The following SEMA3C variants were observed in gnomAD, a reference collection of about 807,000 sequenced individuals.
SEMA3C encodes semaphorin 3C, also known as semaphorin-3C.
Under a neutral mutation model 89.4 loss-of-function variants are expected in SEMA3C, and 47 were observed. The observed-to-expected ratio is 0.53, with a 90% confidence interval of 0.42 to 0.67. SEMA3C has a LOEUF of 0.67. SEMA3C is among the 30% of genes least tolerant of loss of function. SEMA3C has a pLI of 0.00. For missense variants in SEMA3C, 839 were observed against 929.1 expected (o/e 0.90, Z 1.26); for synonymous variants, 310 against 320.2 (o/e 0.97, Z 0.34).
intron 2 of SEMA3C, among the ~76,000 whole-genome samples, chr7:80,841,034 C>T (rs1388229783): frequency 6.6e-6 from 1 of 152,028 alleles, no homozygotes; most frequent in Non-Finnish European, 1.5e-5. Context: ...GATCAAGAAG[C>T]GGAATGGAGT....
intron 13 of SEMA3C, among the ~76,000 whole-genome samples, chr7:80,762,801 G>A (rs1272696013): frequency 6.6e-6 from 1 of 152,134 alleles, no homozygotes; most frequent in African/African-American, 2.4e-5. Context: ...TAACAAGAGT[G>A]AAACCCATTT....
chr7:80,754,957 G>GTCTTTTTTTTGTTTTTTTTTTT (rs1788025324), intron 15 of SEMA3C, among the ~76,000 whole-genome samples: 1 of 108,368 alleles, frequency 9.2e-6, no homozygotes, highest in South Asian at 3.3e-4. Context: ...GTTTTTTTTT[G>GTCTTTTTTTTGTTTTTTTTTTT]TTTTTTTTTT....
chr7:80,776,161 G>A (rs1248936096), intron 12 of SEMA3C, among the ~76,000 whole-genome samples: 3 of 151,594 alleles, frequency 2.0e-5, no homozygotes, highest in East Asian at 1.9e-4. Context: ...GTACAAGACC[G>A]TGCTCTACAA....
At chr7:80,763,617 A>G (rs1165694205) in intron 13 of SEMA3C, among the ~76,000 whole-genome samples, 3 of 152,166 alleles carry the variant, frequency 2.0e-5, no homozygotes, top group African/African-American at 4.8e-5. Flanking sequence ...TCTTTCCATA[A>G]CATGTATGTT....
chr7:80,749,046 A>G lies in SEMA3C; in HGVS notation c.1712-18T>C. 1.3e-6 allele frequency: 2 copies of G among 1,585,006 alleles called. No homozygotes were observed. The highest frequency in any genetic ancestry group is 1.7e-6 in the Non-Finnish European group (2 of 1,167,756). ...TCTGTATGCTAGCAGGCAAAAATAA[A>G]AGGCGAGAGAGAAAGAAAGAACACA... On this transcript the variant is annotated intron_variant, in intron 16 of 17. Coordinates refer to ENST00000265361, the MANE Select transcript of SEMA3C (RefSeq NM_006379.5).
At chr7:80,919,739 C>A (rs1792373930), upstream of SEMA3C, among the ~76,000 whole-genome samples, 1 of 152,008 alleles carries the variant, frequency 6.6e-6, no homozygotes. Context: ...CAGGCTCCCA[C>A]CACCACGCCC....
chr7:80,801,040 T>C lies in SEMA3C; in HGVS notation c.917-214A>G, dbSNP rs376406159. Among the ~76,000 whole-genome samples, 6 of 152,172 alleles carry C rather than the reference T, an allele frequency of 3.9e-5. No homozygotes were observed. In the East Asian group the frequency reaches 7.7e-4, roughly 20 times the overall value. ...TGGAATTTATGAAAATTTTGTATCCTTGTGAAAACCATGCTAGTAAAATAA... is the reference window on the plus strand; with the variant it reads ...TGGAATTTATGAAAATTTTGTATCCCTGTGAAAACCATGCTAGTAAAATAA... On this transcript the variant is annotated intron_variant, in intron 9 of 17. Coordinates refer to ENST00000265361, the MANE Select transcript of SEMA3C (RefSeq NM_006379.5).
chr7:80,912,457 T>C (rs9641941), intron 2 of SEMA3C, among the ~76,000 whole-genome samples: 14,911 of 152,220 alleles, frequency 0.098, 1,167 homozygotes, highest in African/African-American at 0.21. Context: ...TTTACAAATT[T>C]AGTGTTACTC....
At chr7:80,840,562 G>A (rs945628255) in intron 2 of SEMA3C, among the ~76,000 whole-genome samples, 22 of 149,698 alleles carry the variant, frequency 1.5e-4, no homozygotes, top group South Asian at 2.1e-4. Flanking sequence ...GAGAGAGAGC[G>A]CGATGGTAAA....
At chr7:80,807,260 T>C (rs1209402060) in intron 6 of SEMA3C, among the ~76,000 whole-genome samples, 1 of 152,070 alleles carries the variant, frequency 6.6e-6, no homozygotes, top group East Asian at 1.9e-4. Context: ...TTGGCACAGC[T>C]ATCAATTGTC....
chr7:80,835,351 T>C (rs149318900), intron 2 of SEMA3C, among the ~76,000 whole-genome samples: 32 of 152,312 alleles, frequency 2.1e-4, no homozygotes, highest in Middle Eastern at 3.4e-3. Context: ...GGCTAGTCCA[T>C]CAAAACATTC....
intron 2 of SEMA3C, among the ~76,000 whole-genome samples, chr7:80,836,504 C>T (rs953674485): frequency 6.6e-6 from 1 of 151,974 alleles, no homozygotes; most frequent in African/African-American, 2.4e-5. Context: ...ATGGTGAAAC[C>T]CCATCTCTAC....
intron 3 of SEMA3C, among the ~76,000 whole-genome samples, chr7:80,828,090 A>G (rs1789919664): frequency 6.6e-6 from 1 of 152,136 alleles, no homozygotes; most frequent in South Asian, 2.1e-4. Context: ...CAAATGCAGA[A>G]GTCTCCTTGT....
At chr7:80,774,158 C>G (rs1259173225) in intron 12 of SEMA3C, among the ~76,000 whole-genome samples, 1 of 152,072 alleles carries the variant, frequency 6.6e-6, no homozygotes, top group East Asian at 1.9e-4. Flanking sequence ...TGCATTCAAA[C>G]AAAGAGTAGT....
At chr7:80,908,500 C>T (rs1285720937) in intron 2 of SEMA3C, among the ~76,000 whole-genome samples, 2 of 152,106 alleles carry the variant, frequency 1.3e-5, no homozygotes, top group Non-Finnish European at 2.9e-5. Context: ...TGGCAACTGA[C>T]GCTAACTATA....
chr7:80,745,919 C>T (rs1018671050), intron 17 of SEMA3C, among the ~76,000 whole-genome samples: 1 of 151,980 alleles, frequency 6.6e-6, no homozygotes, highest in African/African-American at 2.4e-5. Flanking sequence ...TCTTTTAAGT[C>T]CTCTAAGTGG....
chr7:80,829,803 C>G (rs903291699), intron 2 of SEMA3C, among the ~76,000 whole-genome samples: 9 of 152,066 alleles, frequency 5.9e-5, no homozygotes, highest in Non-Finnish European at 1.3e-4. Context: ...AGGAGCATAA[C>G]TTTAGACTTT....
intron 2 of SEMA3C, among the ~76,000 whole-genome samples, chr7:80,849,080 T>C (rs930992377): frequency 5.9e-5 from 9 of 152,164 alleles, no homozygotes; most frequent in African/African-American, 1.9e-4. Context: ...TTGAATGTCA[T>C]ACAAAACATC....
intron 2 of SEMA3C, among the ~76,000 whole-genome samples, chr7:80,868,470 T>C (rs1562914982): frequency 6.6e-6 from 1 of 152,046 alleles, no homozygotes; most frequent in African/African-American, 2.4e-5. Context: ...AGTTTCACCA[T>C]GTTGGCCAGG....
Sources: allele counts gnomAD v4.1 joint callset (sites outside exome capture counted in the v4.1 genomes callset), GRCh38; gene constraint gnomAD v4.1.1; transcripts MANE v1.5; gene names NCBI Gene and HGNC (gene_info 2026-07-23, HGNC 2026-07-21).